ABHD4: variants seen among roughly 807,000 people sequenced by gnomAD.
ABHD4 encodes the protein abhydrolase domain containing 4, N-acyl phospholipase B.
ABHD4 carries 35 observed loss-of-function variants against 42.3 expected under a neutral mutation model. The ratio of observed to expected loss-of-function variants is 0.83; its 90% CI spans 0.63 to 1.10. The LOEUF (loss-of-function observed/expected upper bound fraction) is 1.10, where lower values mean the gene tolerates loss of function less well. ABHD4 is among the 50% of genes least tolerant of loss of function. ABHD4 has a pLI of 0.00. For synonymous variants in ABHD4, 169 were observed against 170.6 expected, an observed-to-expected ratio of 0.99 and a Z score of 0.07; for missense variants, 389 against 454.8, an observed-to-expected ratio of 0.86 and a Z score of 1.32.
chr14:22,607,636 C>T (rs2037364002), intron 5 of ABHD4, among the ~76,000 whole-genome samples: 1 of 152,218 alleles, frequency 6.6e-6, no homozygotes, highest in Non-Finnish European at 1.5e-5. Context: ...TCAGGTTCCC[C>T]TGTCTTCCTG....
At chr14:22,600,851 T>C (rs898379145) in intron 1 of ABHD4, among the ~76,000 whole-genome samples, 1 of 151,412 alleles carries the variant, frequency 6.6e-6, no homozygotes. Flanking sequence ...TGTGTGTGTG[T>C]GTGTGTGTGT....
intron 1 of ABHD4, chr14:22,599,969 G>A (rs942111681): frequency 1.0e-5 from 3 of 289,288 alleles, no homozygotes; most frequent in African/African-American, 2.2e-5. Context: ...TCCACTGAGA[G>A]TTGCTACTTG....
At chr14:22,599,033 A>G (rs571956871) in intron 1 of ABHD4, 1 of 152,530 alleles carries the variant, frequency 6.6e-6, no homozygotes, top group East Asian at 1.9e-4. Context: ...AGGAGTAAGA[A>G]AAAGTTGCTA....
At chr14:22,601,175 C>T (rs2037280836) in intron 1 of ABHD4, among the ~76,000 whole-genome samples, 1 of 152,162 alleles carries the variant, frequency 6.6e-6, no homozygotes, top group Non-Finnish European at 1.5e-5. Flanking sequence ...CACAGTATTC[C>T]ACACTTCTAG....
At chr14:22,609,995 G>T (rs1042096818) in intron 6 of ABHD4, 85 bp downstream of exon 6, 13 of 1,343,714 alleles carry the variant, frequency 9.7e-6, no homozygotes, top group Non-Finnish European at 1.3e-5. Flanking sequence ...TGATCAAGGA[G>T]AAAGAGGAAT....
At chr14:22,609,513 A>G (rs191497092) in intron 5 of ABHD4, 338 of 529,446 alleles carry the variant, frequency 6.4e-4, no homozygotes, top group African/African-American at 6.3e-3. Flanking sequence ...TCGTACTGCC[A>G]TGGGGTTTTT....
rs1254531304 is a variant in ABHD4, at chr14:22,601,699, C to A, written c.56C>A (p.Thr19Lys). Residue 19 changes from threonine to lysine, a missense_variant, in exon 2 of 7, where the codon ACG becomes AAG. Thr to Lys is a moderately conservative substitution (Grantham distance 78). Coordinates refer to ENST00000428304, the MANE Select transcript of ABHD4 (RefSeq NM_022060.3). ...SQGWLSSWLP[T>K]WRPTSMSQLK... Reference sequence around the variant, plus strand: ...GGCTGGCTGAGTAGCTGGCTGCCCACGTGGCGCCCCACTTCCATGTCTCAG... The same window carrying A: ...GGCTGGCTGAGTAGCTGGCTGCCCAAGTGGCGCCCCACTTCCATGTCTCAG... 1.2e-6 allele frequency: 2 copies of A among 1,614,170 alleles called. No individual in the cohort carries two copies. The highest frequency in any genetic ancestry group is 1.7e-6 in the Non-Finnish European group (2 of 1,180,018).
Position 22,611,078 on chromosome 14 carries a change from A to T in ABHD4, c.*130A>T. ...CCAGGCAGAGTCTTGTGCTGTTCCC[A>T]GAACAGGACGACAGTGAAAAGAACA... On this transcript the variant is annotated 3_prime_UTR_variant, in exon 7 of 7. Coordinates refer to ENST00000428304, the MANE Select transcript of ABHD4 (RefSeq NM_022060.3). 1.3e-6 allele frequency: 1 copy of T among 781,358 alleles called. No homozygotes were observed. Among genetic ancestry groups the T allele is most frequent in the Non-Finnish European group, 2.1e-6 (1 of 465,374 alleles). 48.4% of individuals were successfully genotyped at this position (781,358 alleles called of 1,614,324 possible).
intron 1 of ABHD4, among the ~76,000 whole-genome samples, chr14:22,599,478 T>C (rs1366091421): frequency 6.6e-6 from 1 of 152,208 alleles, no homozygotes. Flanking sequence ...CATGGCTGAA[T>C]GTCTTTTCTG....
In ABHD4 at chr14:22,610,502, C is replaced by G. The variant is rs1444323715; in HGVS notation, c.940-357C>G. The stretch of plus-strand genomic sequence containing the variant: ...AGAGGCTGCCATGAAGCTTCCCCAC[C>G]ACACCTCCTCCCCTTTTTTCTTACC... On this transcript the variant is annotated intron_variant, in intron 6 of 6. Coordinates refer to ENST00000428304, the MANE Select transcript of ABHD4 (RefSeq NM_022060.3). 2.0e-5 allele frequency among the ~76,000 whole-genome samples: 3 copies of G among 152,300 alleles called. No homozygotes were observed. The East Asian group carries it at 5.8e-4, about 29-fold the overall frequency.
Position 22,603,998 on chromosome 14 carries a change from C to T in ABHD4, c.559C>T (p.Pro187Ser), listed in dbSNP as rs139658829. Residue 187 changes from proline to serine, a missense_variant, in exon 4 of 7, where the codon CCC becomes TCC. Transcript: ENST00000428304. ...RPTNPSEIRA[P>S]PAWVKAVASV... ...AACTAACCCCAGTGAGATCCGTGCA[C>T]CCCCAGCCTGGGTCAAAGCCGTGGC... 28 of 1,614,096 alleles carry T rather than the reference C, an allele frequency of 1.7e-5. No individual in the cohort carries two copies. The African/African-American group carries it at 3.3e-4, about 19-fold the overall frequency.
chr14:22,610,207 G>A (rs888543934), intron 6 of ABHD4, among the ~76,000 whole-genome samples: 17 of 152,164 alleles, frequency 1.1e-4, no homozygotes, highest in African/African-American at 3.4e-4. Flanking sequence ...ATTAGCATGC[G>A]CCACCACGCC....
intron 1 of ABHD4, among the ~76,000 whole-genome samples, chr14:22,599,589 T>C (rs926668505): frequency 6.6e-6 from 1 of 152,258 alleles, no homozygotes; most frequent in African/African-American, 2.4e-5. Context: ...GTAACATTTT[T>C]GGTGAAGAAG....
intron 5 of ABHD4, among the ~76,000 whole-genome samples, chr14:22,608,770 C>A (rs1180095944): frequency 1.3e-5 from 2 of 152,084 alleles, no homozygotes; most frequent in Non-Finnish European, 2.9e-5. Context: ...GGCACGATCT[C>A]GGCTCACTGC....
chr14:22,603,891 A>T (rs1277084684), intron 3 of ABHD4, 34 bp from the exon 4 acceptor site: 7 of 1,610,558 alleles, frequency 4.3e-6, no homozygotes, highest in African/African-American at 1.3e-5. Context: ...CAGAGAATAT[A>T]ATGTGTCTTC....
chr14:22,607,458 G>C (rs1315347225), intron 5 of ABHD4, among the ~76,000 whole-genome samples: 1 of 152,174 alleles, frequency 6.6e-6, no homozygotes, highest in African/African-American at 2.4e-5. Flanking sequence ...CCAAAGCCAT[G>C]AGAAAGGCAG....
At chr14:22,610,226 T>G (rs2037396879) in intron 6 of ABHD4, among the ~76,000 whole-genome samples, 1 of 152,066 alleles carries the variant, frequency 6.6e-6, no homozygotes, top group South Asian at 2.1e-4. Context: ...CCCAGCTAAT[T>G]TTGTATTTTT....
intron 3 of ABHD4, 29 bp downstream of exon 3, chr14:22,603,791 G>A (rs180985358): frequency 3.2e-6 from 5 of 1,564,610 alleles, no homozygotes; most frequent in East Asian, 4.5e-5. Flanking sequence ...CATCCCTCGT[G>A]ACCTAATTCC....
intron 5 of ABHD4, among the ~76,000 whole-genome samples, chr14:22,607,004 C>G (rs1172113464): frequency 2.0e-5 from 3 of 152,118 alleles, no homozygotes; most frequent in Admixed American, 2.0e-4. Context: ...GCACATGTAC[C>G]ATTTCTTCAG....
Sources: gnomAD v4.1 joint callset for allele counts (sites outside exome capture counted in the v4.1 genomes callset) on GRCh38, gnomAD v4.1.1 for gene constraint, MANE v1.5 for transcripts, NCBI Gene and HGNC (gene_info 2026-07-23, HGNC 2026-07-21) for gene names.